Variants in RYR2 observed in about 807,000 individuals in gnomAD.
RYR2 encodes cardiac muscle ryanodine receptor-calcium release channel.
Under a neutral mutation model 601.1 loss-of-function variants are expected in RYR2, and 227 were observed. The observed-to-expected ratio is 0.38, with a 90% CI of 0.34 to 0.42. RYR2 has a LOEUF of 0.42. Among genes scored for constraint, RYR2 ranks in the 10% least tolerant of loss-of-function variants. RYR2 has a pLI of 1.00. For missense variants in RYR2, 4,646 were observed against 6,156.5 expected (o/e 0.75, Z 8.21); for synonymous variants, 2,223 against 2,175.1 (o/e 1.02, Z -0.61).
chr1:237,384,958 C>T (rs1408715094), intron 8 of RYR2, among the ~76,000 whole-genome samples: 6 of 152,138 alleles, frequency 3.9e-5, no homozygotes, highest in African/African-American at 1.2e-4. Context: ...GGCGTGATCT[C>T]GGCTCACTGC....
At chr1:237,162,829 A>G (rs1262296076) in intron 1 of RYR2, among the ~76,000 whole-genome samples, 1 of 152,154 alleles carries the variant, frequency 6.6e-6, no homozygotes, top group African/African-American at 2.4e-5. Flanking sequence ...TGCAAGGCTC[A>G]TCGTCTAAAT....
At chr1:237,659,885 T>C in intron 54 of RYR2, 100 bp from the exon 55 acceptor site, 1 of 668,586 alleles carries the variant, frequency 1.5e-6, no homozygotes, top group Non-Finnish European at 2.5e-6. Context: ...TTAGTTCATT[T>C]TAGGTTTATT....
intron 1 of RYR2, among the ~76,000 whole-genome samples, chr1:237,046,832 T>C (rs1660663886): frequency 6.6e-6 from 1 of 152,164 alleles, no homozygotes; most frequent in Non-Finnish European, 1.5e-5. Context: ...GGGAATTAGA[T>C]TAATTCAGAA....
chr1:237,422,219 A>G (rs1705671316), intron 11 of RYR2, among the ~76,000 whole-genome samples: 1 of 152,104 alleles, frequency 6.6e-6, no homozygotes, highest in African/African-American at 2.4e-5. Context: ...ATTTTATCCT[A>G]CCTGAAAGTC....
intron 80 of RYR2, among the ~76,000 whole-genome samples, chr1:237,752,473 A>G (rs1018838536): frequency 6.6e-6 from 1 of 152,120 alleles, no homozygotes; most frequent in African/African-American, 2.4e-5. Context: ...AAAAAAAAAA[A>G]AAAGAAAATT....
At chr1:237,282,050 C>T (rs1397249520) in intron 2 of RYR2, among the ~76,000 whole-genome samples, 1 of 151,882 alleles carries the variant, frequency 6.6e-6, no homozygotes, top group African/African-American at 2.4e-5. Flanking sequence ...CTGCAGAGTG[C>T]CCGCTGCCAC....
At chr1:237,698,147 TG>T (rs1290985253) in intron 63 of RYR2, among the ~76,000 whole-genome samples, 4 of 137,168 alleles carry the variant, frequency 2.9e-5, no homozygotes, top group African/African-American at 8.0e-5. Context: ...TGTGTGTGTG[TG>T]TGTAATGAGG....
intron 63 of RYR2, among the ~76,000 whole-genome samples, chr1:237,687,904 A>G (rs780983623): frequency 6.6e-6 from 1 of 152,086 alleles, no homozygotes; most frequent in Non-Finnish European, 1.5e-5. Context: ...TATTTTTTTT[A>G]ATGCTCTTGA....
chr1:237,244,219 C>T (rs1429038877), intron 1 of RYR2, among the ~76,000 whole-genome samples: 3 of 152,106 alleles, frequency 2.0e-5, no homozygotes, highest in African/African-American at 4.8e-5. Context: ...TAAGGATGTT[C>T]GTGCACAAGG....
intron 27 of RYR2, among the ~76,000 whole-genome samples, chr1:237,563,500 A>G (rs942003418): frequency 1.3e-5 from 2 of 151,012 alleles, no homozygotes; most frequent in Non-Finnish European, 2.9e-5. Flanking sequence ...AGTCCCTTGC[A>G]TGATAGTATC....
At chr1:237,660,517 C>T (rs2148844813) in intron 55 of RYR2, among the ~76,000 whole-genome samples, 2 of 152,148 alleles carry the variant, frequency 1.3e-5, no homozygotes, top group South Asian at 4.1e-4. Context: ...ATGTATATTA[C>T]ATAAGCTGTC....
chr1:237,396,343 T>G (rs1323993575), intron 10 of RYR2, among the ~76,000 whole-genome samples: 1 of 152,228 alleles, frequency 6.6e-6, no homozygotes, highest in African/African-American at 2.4e-5. Flanking sequence ...GGGAAGAGTC[T>G]CTGGACCAAT....
At chr1:237,330,308 C>T (rs890207458) in intron 2 of RYR2, among the ~76,000 whole-genome samples, 1 of 152,232 alleles carries the variant, frequency 6.6e-6, no homozygotes, top group African/African-American at 2.4e-5. Flanking sequence ...CAATGCGTAT[C>T]AGAGTAAGCT....
At chr1:237,368,916 C>T (rs920726323) in intron 5 of RYR2, among the ~76,000 whole-genome samples, 12 of 151,950 alleles carry the variant, frequency 7.9e-5, no homozygotes, top group Admixed American at 5.2e-4. Flanking sequence ...CTCCACCTCC[C>T]GGGTTCAAGC....
In RYR2 at chr1:237,437,194, G is replaced by A. The variant is rs550725684; in HGVS notation, c.1006-4125G>A. On this transcript the variant is annotated intron_variant, in intron 12 of 104. Coordinates refer to ENST00000366574, the MANE Select transcript of RYR2 (RefSeq NM_001035.3). ...CAAGTAGCTGGGACTACAGGCACCC[G>A]CCACCACGCTCAGCTAATTTTTTAT... 6.6e-5 allele frequency among the ~76,000 whole-genome samples: 10 copies of A among 151,680 alleles called. No homozygotes were observed. In the East Asian group the frequency reaches 1.8e-3, roughly 27 times the overall value.
intron 101 of RYR2, among the ~76,000 whole-genome samples, chr1:237,823,501 A>T (rs1485752608): frequency 6.6e-6 from 1 of 152,244 alleles, no homozygotes; most frequent in Non-Finnish European, 1.5e-5. Context: ...GACACAACGT[A>T]CCAGAATCTC....
chr1:237,445,625 C>A, intron 14 of RYR2, 103 bp downstream of exon 14: 2 of 1,400,312 alleles, frequency 1.4e-6, no homozygotes, highest in South Asian at 1.3e-5. Context: ...GGTAATAAAT[C>A]TCATACTGTT....
At chr1:237,780,807 AC>A (rs1031230738) in intron 88 of RYR2, among the ~76,000 whole-genome samples, 1 of 152,190 alleles carries the variant, frequency 6.6e-6, no homozygotes, top group African/African-American at 2.4e-5. Flanking sequence ...TCTAACAAAT[AC>A]ATTTATAAGT....
chr1:237,265,376 C>T (rs1434083286), intron 1 of RYR2, among the ~76,000 whole-genome samples: 1 of 151,992 alleles, frequency 6.6e-6, no homozygotes, highest in East Asian at 1.9e-4. Context: ...AGCTGGAGCA[C>T]AGTAGCACAA....
Sources: allele counts gnomAD v4.1 joint callset (sites outside exome capture counted in the v4.1 genomes callset), GRCh38; gene constraint gnomAD v4.1.1; transcripts MANE v1.5; gene names NCBI Gene and HGNC (gene_info 2026-07-23, HGNC 2026-07-21).